HSH2D: variants seen among roughly 807,000 people sequenced by gnomAD.
HSH2D encodes the protein hematopoietic SH2 domain-containing protein.
HSH2D carries 16 observed loss-of-function variants against 21.5 expected under a neutral mutation model. The observed-to-expected ratio is 0.74, with a 90% CI of 0.50 to 1.13. The LOEUF (loss-of-function observed/expected upper bound fraction) is 1.13. Ranked by LOEUF, HSH2D falls within the 50% of genes most tolerant of loss-of-function variation. The pLI is 0.00. For synonymous variants in HSH2D, 172 were observed against 184.7 expected (o/e 0.93, Z 0.56); for missense variants, 418 against 441.4 (o/e 0.95, Z 0.47).
rs377366351 is a variant in HSH2D at position 16,152,396 on chromosome 19, G to C, written c.126-156G>C. Among the ~76,000 whole-genome samples, 907 of 149,750 alleles carry C rather than the reference G, an allele frequency of 6.1e-3. 10 individuals carry two copies. Among genetic ancestry groups the C allele is most frequent in the African/African-American group, 0.021 (876 of 40,756 alleles). On this transcript the variant is annotated intron_variant, in intron 2 of 5. Coordinates refer to ENST00000613986, the MANE Select transcript of HSH2D (RefSeq NM_001382417.1). ...TCGCGCCACTGCACTCCAGCCGGGG[G>C]GACAGAGCGAGACTCTGTCTCAAAA...
At chr19:16,136,821 C>G (rs2090967112) in intron 1 of HSH2D, among the ~76,000 whole-genome samples, 1 of 152,162 alleles carries the variant, frequency 6.6e-6, no homozygotes, top group South Asian at 2.1e-4. Flanking sequence ...TAGTCCTAAC[C>G]AGTTTTTCAC....
At chr19:16,141,135 G>A (rs2090996967), upstream of HSH2D, among the ~76,000 whole-genome samples, 1 of 152,246 alleles carries the variant, frequency 6.6e-6, no homozygotes, top group South Asian at 2.1e-4. Context: ...TATGCCCATT[G>A]CACAGATGCA....
At chr19:16,139,840 C>G (rs919955401), upstream of HSH2D, 1 of 152,224 alleles carries the variant, frequency 6.6e-6, no homozygotes, top group East Asian at 1.9e-4. Context: ...CATCAGGGCA[C>G]CTTCGTTTTC....
upstream of HSH2D, among the ~76,000 whole-genome samples, chr19:16,141,641 TAA>T (rs1240466374): frequency 6.6e-6 from 1 of 152,152 alleles, no homozygotes; most frequent in African/African-American, 2.4e-5. Context: ...AATAGAATTT[TAA>T]GCTGGCACGG....
intron 1 of HSH2D, among the ~76,000 whole-genome samples, chr19:16,146,829 CTT>C (rs112913701): frequency 0.019 from 2,670 of 143,594 alleles, 74 homozygotes; most frequent in African/African-American, 0.063. Context: ...ATACTCTACT[CTT>C]TTTTTTTTTT....
chr19:16,143,454 G>A (rs531621614), upstream of HSH2D, among the ~76,000 whole-genome samples: 27 of 152,262 alleles, frequency 1.8e-4, no homozygotes, highest in Admixed American at 5.2e-4. Flanking sequence ...CAGGAGTCAG[G>A]GGGCCTGCAC....
intron 1 of HSH2D, among the ~76,000 whole-genome samples, chr19:16,146,640 C>G (rs1329386981): frequency 6.6e-6 from 1 of 151,962 alleles, no homozygotes; most frequent in East Asian, 1.9e-4. Context: ...GCTGTGATTG[C>G]ACCATTGCAC....
Position 16,154,472 on chromosome 19 carries a change from C to T in HSH2D, c.455C>T (p.Pro152Leu), listed in dbSNP as rs903174575. The T allele has an allele frequency of 7.7e-6, 12 of 1,551,886 alleles. No homozygotes were observed. The highest frequency in any genetic ancestry group is 4.9e-5 in the East Asian group (2 of 41,012). ...SNAVAEEAAC[P>L]VSAPEEASPK... ...GCAGTGGCCGAGGAAGCTGCCTGCC[C>T]GGTGTCTGCCCCTGAGGAGGTATGT... Residue 152 changes from proline to leucine, a missense_variant, in exon 5 of 6, where the codon CCG becomes CTG. Coordinates refer to ENST00000613986, the MANE Select transcript of HSH2D (RefSeq NM_001382417.1).
At chr19:16,140,597 A>G (rs1243562038), upstream of HSH2D, among the ~76,000 whole-genome samples, 2 of 151,882 alleles carry the variant, frequency 1.3e-5, no homozygotes, top group Non-Finnish European at 2.9e-5. Flanking sequence ...AGAACAAGAC[A>G]TCATCTCAAA....
rs2091213166 is a variant in HSH2D at position 16,154,499 on chromosome 19, T to C, written c.474+8T>C. On this transcript the variant is annotated splice_region_variant and intron_variant, in intron 5 of 5. Transcript: ENST00000613986. ...GTGTCTGCCCCTGAGGAGGTATGTA[T>C]ATGACAGGAGGCTGGCACCTCCCAC... 2 of 1,542,846 alleles carry C rather than the reference T, an allele frequency of 1.3e-6. No homozygotes were observed. Among genetic ancestry groups the C allele is most frequent in the African/African-American group, 1.4e-5 (1 of 72,968 alleles).
rs202154076 is a variant in HSH2D at position 16,157,852 on chromosome 19, G to GT, written c.*58_*59insT. On this transcript the variant is annotated 3_prime_UTR_variant, in exon 6 of 6. Coordinates refer to ENST00000613986, the MANE Select transcript of HSH2D (RefSeq NM_001382417.1). This position sits in a 1 kb window ranked among gnomAD's most constrained non-coding sequence, Gnocchi z 4.4. ...GCCAGGGGCTGCCACACTCCTGAAT[G>GT]CCTTAACATTTCTTCCATGGCCCCA... is the stretch of plus-strand genomic sequence containing the variant. 7.9e-7 allele frequency: 1 copy of GT among 1,269,882 alleles called. No homozygotes were observed. The highest frequency in any genetic ancestry group is 1.1e-6 in the Non-Finnish European group (1 of 935,356). 78.7% of individuals were successfully genotyped at this position (1,269,882 alleles called of 1,614,324 possible).
upstream of HSH2D, among the ~76,000 whole-genome samples, chr19:16,138,782 G>A (rs757918889): frequency 1.3e-5 from 2 of 152,012 alleles, no homozygotes; most frequent in African/African-American, 2.4e-5. Flanking sequence ...TTTTCTGCCT[G>A]ACTGTCCTGC....
intron 1 of HSH2D, among the ~76,000 whole-genome samples, chr19:16,146,863 C>T (rs1395171454): frequency 6.7e-6 from 1 of 150,162 alleles, no homozygotes; most frequent in Admixed American, 6.6e-5. Flanking sequence ...TCTCACTCTG[C>T]CCCCCAGGCT....
At chr19:16,141,686 G>A (rs2091001014), upstream of HSH2D, among the ~76,000 whole-genome samples, 1 of 152,188 alleles carries the variant, frequency 6.6e-6, no homozygotes, top group Admixed American at 6.6e-5. Context: ...CACTTTGGGA[G>A]GCTGAGGCGG....
At chr19:16,134,980 A>G (rs2090951661) in intron 1 of HSH2D, among the ~76,000 whole-genome samples, 1 of 150,768 alleles carries the variant, frequency 6.6e-6, no homozygotes, top group African/African-American at 2.4e-5. Context: ...AAAAAAAAGT[A>G]CAAAAATTGG....
At chr19:16,149,046 A>G (rs570404757) in intron 2 of HSH2D, among the ~76,000 whole-genome samples, 171 bp downstream of exon 2, 1 of 152,272 alleles carries the variant, frequency 6.6e-6, no homozygotes, top group African/African-American at 2.4e-5. Context: ...CTTTGGGCTC[A>G]CTGTGTGACC....
chr19:16,141,008 C>A (rs895771427), upstream of HSH2D, among the ~76,000 whole-genome samples: 3 of 152,222 alleles, frequency 2.0e-5, no homozygotes, highest in Non-Finnish European at 2.9e-5. Flanking sequence ...AACACAAAGG[C>A]CTTGCTTGAA....
intron 1 of HSH2D, among the ~76,000 whole-genome samples, chr19:16,145,241 C>T (rs1298403284): frequency 6.6e-6 from 1 of 151,396 alleles, no homozygotes; most frequent in Non-Finnish European, 1.5e-5. Flanking sequence ...GAGATGGAGT[C>T]TTGCTCTGTT....
At chr19:16,146,204 T>A (rs1711888486) in intron 1 of HSH2D, among the ~76,000 whole-genome samples, 1 of 152,170 alleles carries the variant, frequency 6.6e-6, no homozygotes, top group Admixed American at 6.6e-5. Flanking sequence ...CTGCTTTCTC[T>A]CTCCAGCTCT....
Sources: gnomAD v4.1 joint callset for allele counts (sites outside exome capture counted in the v4.1 genomes callset) on GRCh38, gnomAD v4.1.1 for gene constraint, Gnocchi (gnomAD v3.1) non-coding constraint, MANE v1.5 for transcripts, NCBI Gene and HGNC (gene_info 2026-07-23, HGNC 2026-07-21) for gene names.